DPY19L2: variants seen among roughly 807,000 people sequenced by gnomAD.
DPY19L2 encodes the protein dpy-19 like 2, also known as probable C-mannosyltransferase DPY19L2.
In DPY19L2, 34 loss-of-function variants were observed where a neutral mutation model predicts 97.9. The ratio of observed to expected loss-of-function variants is 0.35; its 90% confidence interval spans 0.26 to 0.46. The LOEUF (loss-of-function observed/expected upper bound fraction) is 0.46, where lower values mean the gene tolerates loss of function less well. Among genes scored for constraint, DPY19L2 ranks in the 20% least tolerant of loss-of-function variants. The pLI, the probability that DPY19L2 is intolerant of heterozygous loss-of-function variation, is 1.00. For synonymous variants in DPY19L2, 230 were observed against 307.9 expected (o/e 0.75, Z 2.65); for missense variants, 623 against 911.4 (o/e 0.68, Z 4.07).
chr12:63,622,033 TG>T (rs1888773637), intron 8 of DPY19L2, among the ~76,000 whole-genome samples: 1 of 152,174 alleles, frequency 6.6e-6, no homozygotes, highest in Non-Finnish European at 1.5e-5. Flanking sequence ...GATGAATCTT[TG>T]TACAATCGTA....
intron 6 of DPY19L2, among the ~76,000 whole-genome samples, chr12:63,634,083 G>C (rs191516912): frequency 6.8e-6 from 1 of 146,498 alleles, no homozygotes; most frequent in African/African-American, 2.5e-5. Flanking sequence ...GGAAGGGGGA[G>C]GGATAGCATT....
At chr12:63,668,589 C>T, upstream of DPY19L2, 1 of 607,130 alleles carries the variant, frequency 1.6e-6, no homozygotes, top group Non-Finnish European at 2.9e-6. Context: ...CGGGCAGTCC[C>T]TGAGTGTCCC....
chr12:63,630,047 A>G (rs1039339864), intron 6 of DPY19L2, among the ~76,000 whole-genome samples: 2 of 152,172 alleles, frequency 1.3e-5, no homozygotes, highest in African/African-American at 4.8e-5. Context: ...GGCCAGCCCT[A>G]AAAGAGCTCC....
intron 19 of DPY19L2, among the ~76,000 whole-genome samples, chr12:63,578,051 A>G (rs1880181618): frequency 6.6e-6 from 1 of 152,184 alleles, no homozygotes; most frequent in African/African-American, 2.4e-5. Context: ...CTAAGTGTCC[A>G]TCAACAGGTG....
At chr12:63,570,669 GT>G in intron 20 of DPY19L2, 88 bp downstream of exon 20, 1 of 1,058,680 alleles carries the variant, frequency 9.4e-7, no homozygotes. Context: ...GTGTGTGTGT[GT>G]GTGTGTGTGT....
chr12:63,589,261 T>C (rs1195996153), intron 16 of DPY19L2, among the ~76,000 whole-genome samples: 2 of 149,658 alleles, frequency 1.3e-5, no homozygotes, highest in East Asian at 2.0e-4. Flanking sequence ...TATTTGTAGA[T>C]TATATGATAA....
chr12:63,588,755 T>TG (rs1882266979), intron 16 of DPY19L2, among the ~76,000 whole-genome samples: 2 of 149,832 alleles, frequency 1.3e-5, no homozygotes, highest in Non-Finnish European at 3.0e-5. Flanking sequence ...CTTTTTTTTT[T>TG]TTTTTTTTTG....
chr12:63,616,037 G>T (rs979709370), intron 11 of DPY19L2, among the ~76,000 whole-genome samples: 1 of 152,158 alleles, frequency 6.6e-6, no homozygotes, highest in Non-Finnish European at 1.5e-5. Context: ...AAGTAACCTA[G>T]AGATGATTTA....
At chr12:63,667,951 T>C (rs1896522844) in intron 1 of DPY19L2, 106 bp downstream of exon 1, 13 of 1,354,340 alleles carry the variant, frequency 9.6e-6, no homozygotes, top group Non-Finnish European at 1.3e-5. Context: ...TTGCTATTAT[T>C]TCCTACTAGG....
At chr12:63,564,079 T>A (rs1877164806) in intron 21 of DPY19L2, among the ~76,000 whole-genome samples, 1 of 152,188 alleles carries the variant, frequency 6.6e-6, no homozygotes. Context: ...TTTCTTCAGA[T>A]CCTGTAGTGA....
chr12:63,623,053 G>C (rs1403771472), intron 8 of DPY19L2, among the ~76,000 whole-genome samples: 1 of 151,952 alleles, frequency 6.6e-6, no homozygotes, highest in Non-Finnish European at 1.5e-5. Context: ...TGAAGAATGG[G>C]GTCCTCTGGG....
At chr12:63,570,951 G>T in intron 19 of DPY19L2, 94 bp from the exon 20 acceptor site, 2 of 1,265,494 alleles carry the variant, frequency 1.6e-6, no homozygotes, top group South Asian at 1.5e-5. Flanking sequence ...AAATTAAGAA[G>T]GATGATGCCT....
At chr12:63,593,242 A>G (rs1347501017) in intron 16 of DPY19L2, among the ~76,000 whole-genome samples, 5 of 152,192 alleles carry the variant, frequency 3.3e-5, no homozygotes, top group Non-Finnish European at 7.3e-5. Flanking sequence ...CGATTCCTCA[A>G]AGATCTAGAA....
At chr12:63,649,830 C>T (rs1352542888) in intron 4 of DPY19L2, among the ~76,000 whole-genome samples, 1 of 152,086 alleles carries the variant, frequency 6.6e-6, no homozygotes, top group South Asian at 2.1e-4. Context: ...ATAAGGCTAA[C>T]ATCATTCTGA....
intron 21 of DPY19L2, among the ~76,000 whole-genome samples, chr12:63,565,758 ACTT>A (rs1413014587): frequency 2.0e-5 from 3 of 149,638 alleles, no homozygotes; most frequent in East Asian, 2.0e-4. Flanking sequence ...TCCCTTTTCC[ACTT>A]CTTCTGCCTT....
intron 4 of DPY19L2, among the ~76,000 whole-genome samples, chr12:63,655,767 C>T (rs537676833): frequency 3.3e-5 from 5 of 152,176 alleles, no homozygotes; most frequent in African/African-American, 1.2e-4. Flanking sequence ...TCACGCCTTT[C>T]TCTAAGTGGC....
At chr12:63,592,770 A>G (rs1485104899) in intron 16 of DPY19L2, among the ~76,000 whole-genome samples, 1 of 151,666 alleles carries the variant, frequency 6.6e-6, no homozygotes, top group Non-Finnish European at 1.5e-5. Context: ...AATGGCAACA[A>G]AAGCCAAAAT....
chr12:63,599,494 T>C (rs1434822615), intron 13 of DPY19L2, among the ~76,000 whole-genome samples: 3 of 152,132 alleles, frequency 2.0e-5, no homozygotes, highest in African/African-American at 4.8e-5. Context: ...TTATATTGCA[T>C]AGAGATAGCA....
intron 3 of DPY19L2, among the ~76,000 whole-genome samples, chr12:63,661,978 T>A (rs867423026): frequency 6.6e-6 from 1 of 152,196 alleles, no homozygotes; most frequent in Admixed American, 6.5e-5. Context: ...CTAGCTTAAT[T>A]CATAGCTCCA....
Sources: gnomAD v4.1 joint callset for allele counts (sites outside exome capture counted in the v4.1 genomes callset) on GRCh38, gnomAD v4.1.1 for gene constraint, MANE v1.5 for transcripts, NCBI Gene and HGNC (gene_info 2026-07-23, HGNC 2026-07-21) for gene names.